SMIM17: variants seen among roughly 807,000 people sequenced by gnomAD.
SMIM17 encodes small integral membrane protein 17.
SMIM17 carries 10 observed loss-of-function variants against 12.2 expected under a neutral mutation model. That is an observed-to-expected ratio of 0.82 (90% CI 0.50 to 1.39). SMIM17 has a LOEUF of 1.39. Among genes scored for constraint, SMIM17 ranks in the 40% most tolerant of loss-of-function variants. The pLI is 0.00. For missense variants in SMIM17, 136 were observed against 118.2 expected, an observed-to-expected ratio of 1.15 and a Z score of -0.70; for synonymous variants, 50 against 44.1, an observed-to-expected ratio of 1.13 and a Z score of -0.53.
rs1002320351 is a variant in SMIM17, at chr19:56,656,316, A to T, written c.*1103A>T. ...TCATATTATTAGCTTAATTATGCAT[A>T]ATGTTTTATAATTAAAAATTTCTCT... is the stretch of plus-strand genomic sequence containing the variant. On this transcript the variant is annotated 3_prime_UTR_variant, in exon 4 of 4. Coordinates refer to ENST00000598409, the MANE Select transcript of SMIM17 (RefSeq NM_001193628.2). Among the ~76,000 whole-genome samples the T allele has an allele frequency of 6.6e-6, 1 of 152,052 alleles. No individual in the cohort carries two copies. The highest frequency in any genetic ancestry group is 1.5e-5 in the Non-Finnish European group (1 of 68,010).
At chr19:56,645,942 T>A (rs915147444) in intron 2 of SMIM17, 106 bp downstream of exon 2, 37 of 1,222,410 alleles carry the variant, frequency 3.0e-5, no homozygotes, top group Non-Finnish European at 3.7e-5. Flanking sequence ...ATTCAACAGC[T>A]ATTCATGGAG....
chr19:56,645,453 C>T (rs891069729), intron 1 of SMIM17, 115 bp from the exon 2 acceptor site: 3 of 423,856 alleles, frequency 7.1e-6, no homozygotes, highest in African/African-American at 6.1e-5. Flanking sequence ...AGAATGTAAG[C>T]CCCAGGAGGG....
chr19:56,655,871 G>T lies in SMIM17; in HGVS notation c.*658G>T, dbSNP rs766223219. The T allele has an allele frequency of 1.3e-5, 2 of 151,950 alleles. No homozygotes were observed. Among genetic ancestry groups the T allele is most frequent in the African/African-American group, 4.8e-5 (2 of 41,372 alleles). 9.4% of individuals were successfully genotyped at this position (151,950 alleles called of 1,614,324 possible). ...GAACGTTTCAGCTAATTCTTGGGCA[G>T]CTTTCTTAGTTCTTTACAATGTTAT... On this transcript the variant is annotated 3_prime_UTR_variant, in exon 4 of 4. Coordinates refer to ENST00000598409, the MANE Select transcript of SMIM17 (RefSeq NM_001193628.2).
At position 56,650,035 on chromosome 19, in the gene SMIM17, G is replaced by C. The variant is rs564032834; in HGVS notation, c.246+2401G>C. On this transcript the variant is annotated intron_variant, in intron 3 of 3. Transcript: ENST00000598409. ...GCCCATGTGGAAGGAAGGTGGGTTGGATGTGGCTGGGGTTAGAGTTTAGAG... is the reference window on the plus strand; with the variant it reads ...GCCCATGTGGAAGGAAGGTGGGTTGCATGTGGCTGGGGTTAGAGTTTAGAG... Among the ~76,000 whole-genome samples, 3 of 152,280 alleles carry C rather than the reference G, an allele frequency of 2.0e-5. No homozygotes were observed. In the South Asian group the frequency reaches 6.2e-4, roughly 32 times the overall value.
chr19:56,645,931 C>T, intron 2 of SMIM17, 95 bp downstream of exon 2: 2 of 1,281,828 alleles, frequency 1.6e-6, no homozygotes, highest in Non-Finnish European at 1.0e-6. Context: ...TTCACTCATC[C>T]ATTCAACAGC....
chr19:56,654,788 C>T (rs111863558), intron 3 of SMIM17, among the ~76,000 whole-genome samples: 31 of 152,206 alleles, frequency 2.0e-4, no homozygotes, highest in African/African-American at 6.7e-4. Flanking sequence ...AATACACATA[C>T]ATATGCAAGC....
chr19:56,652,321 C>T lies in SMIM17; in HGVS notation c.247-2782C>T, dbSNP rs368700772. 5.9e-5 allele frequency among the ~76,000 whole-genome samples: 9 copies of T among 151,870 alleles called. No homozygotes were observed. In the East Asian group the frequency reaches 1.2e-3, roughly 20 times the overall value. On this transcript the variant is annotated intron_variant, in intron 3 of 3. Coordinates refer to ENST00000598409, the MANE Select transcript of SMIM17 (RefSeq NM_001193628.2). ...ACTGGTAGAACTGAAATCCAGTCTC[C>T]GTCTTATCGCAAGGGAACCCTGGAA...
chr19:56,652,294 A>G (rs922762594), intron 3 of SMIM17, among the ~76,000 whole-genome samples: 3 of 151,966 alleles, frequency 2.0e-5, no homozygotes, highest in Admixed American at 6.6e-5. Context: ...CCAGGCAAAT[A>G]TACTGGTAGA....
At chr19:56,647,451 G>GAGAGAGACAGAGA (rs2045073322) in intron 2 of SMIM17, 107 bp from the exon 3 acceptor site, 1 of 666,952 alleles carries the variant, frequency 1.5e-6, no homozygotes, top group African/African-American at 1.9e-5. Context: ...GAGAGAGAGA[G>GAGAGAGACAGAGA]GAGGCTATTA....
At chr19:56,644,128 G>T (rs1380692532) in intron 1 of SMIM17, among the ~76,000 whole-genome samples, 2 of 151,478 alleles carry the variant, frequency 1.3e-5, no homozygotes, top group East Asian at 3.9e-4. Flanking sequence ...CTGTCACCCC[G>T]CTTGCCTGCA....
At position 56,656,160 on chromosome 19, in the gene SMIM17, G is replaced by T. The variant is rs1329857115; in HGVS notation, c.*947G>T. Among the ~76,000 whole-genome samples the T allele has an allele frequency of 1.3e-5, 2 of 151,774 alleles. No individual in the cohort carries two copies. Among genetic ancestry groups the T allele is most frequent in the African/African-American group, 2.4e-5 (1 of 41,330 alleles). ...GGGGTTTCACCGTGTTAGCCAGGAT[G>T]GTCTCGATCTCCTGACCTCGTGATC... On this transcript the variant is annotated 3_prime_UTR_variant, in exon 4 of 4. Coordinates refer to ENST00000598409, the MANE Select transcript of SMIM17 (RefSeq NM_001193628.2).
chr19:56,654,966 T>C (rs189185415), intron 3 of SMIM17, 137 bp from the exon 4 acceptor site: 1 of 508,258 alleles, frequency 2.0e-6, no homozygotes, highest in Non-Finnish European at 3.5e-6. Flanking sequence ...ATCTACTCAG[T>C]TGTACCGTTT....
At position 56,645,213 on chromosome 19, in the gene SMIM17, GTGTT is replaced by G. The variant is rs945093391; in HGVS notation, c.-100-351_-100-348del. Among the ~76,000 whole-genome samples, 6 of 151,860 alleles carry G rather than the reference GTGTT, an allele frequency of 4.0e-5. No individual in the cohort carries two copies. The East Asian group carries it at 5.8e-4, about 15-fold the overall frequency. ...AGTGTGTGTGAATGTGGATGTGTGT[GTGTT>G]TGTGTTTGTGTTAGTGTGTGTGTAT... On this transcript the variant is annotated intron_variant, in intron 1 of 3. Coordinates refer to ENST00000598409, the MANE Select transcript of SMIM17 (RefSeq NM_001193628.2).
intron 3 of SMIM17, among the ~76,000 whole-genome samples, chr19:56,652,361 TGTC>T (rs1600621113): frequency 6.6e-6 from 1 of 151,892 alleles, no homozygotes; most frequent in East Asian, 2.0e-4. Flanking sequence ...AATAGAGAGT[TGTC>T]CTCCTCTGGG....
chr19:56,646,452 A>T (rs2045063802), intron 2 of SMIM17, among the ~76,000 whole-genome samples: 1 of 152,166 alleles, frequency 6.6e-6, no homozygotes, highest in Admixed American at 6.5e-5. Context: ...GATTATCCTA[A>T]CTGTGGAGAT....
rs568823951 is a variant in SMIM17, at chr19:56,656,223, T to C, written c.*1010T>C. ...CCTCCCAAAGTGCTGGGATTACAGATGTGAGCCACCGTGCCCAGCCCAGAG... is the reference window on the plus strand; with the variant it reads ...CCTCCCAAAGTGCTGGGATTACAGACGTGAGCCACCGTGCCCAGCCCAGAG... On this transcript the variant is annotated 3_prime_UTR_variant, in exon 4 of 4. Transcript: ENST00000598409. Among the ~76,000 whole-genome samples the C allele has an allele frequency of 2.6e-5, 4 of 152,134 alleles. No individual in the cohort carries two copies. The highest frequency in any genetic ancestry group is 2.1e-4 in the South Asian group (1 of 4,830).
intron 2 of SMIM17, 84 bp downstream of exon 2, chr19:56,645,920 C>A: frequency 7.4e-7 from 1 of 1,343,738 alleles, no homozygotes; most frequent in Admixed American, 2.8e-5. Flanking sequence ...ACATTCACTC[C>A]TTCACTCATC....
At chr19:56,648,680 C>G (rs1201872779) in intron 3 of SMIM17, among the ~76,000 whole-genome samples, 1 of 152,184 alleles carries the variant, frequency 6.6e-6, no homozygotes, top group Non-Finnish European at 1.5e-5. Flanking sequence ...ATCCATTCAC[C>G]CATCCACCCA....
Position 56,655,967 on chromosome 19 carries a change from T to C in SMIM17, c.*754T>C, listed in dbSNP as rs961808247. ...ACAGAGGTTTTTGTTTTTTTTTTTT[T>C]TTGAGACCGAGTCTCACTCTGTCAC... On this transcript the variant is annotated 3_prime_UTR_variant, in exon 4 of 4. Coordinates refer to ENST00000598409, the MANE Select transcript of SMIM17 (RefSeq NM_001193628.2). Among the ~76,000 whole-genome samples the C allele has an allele frequency of 2.6e-5, 4 of 151,276 alleles. No homozygotes were observed. The highest frequency in any genetic ancestry group is 9.7e-5 in the African/African-American group (4 of 41,220).
Sources: gnomAD v4.1 joint callset for allele counts (sites outside exome capture counted in the v4.1 genomes callset) on GRCh38, gnomAD v4.1.1 for gene constraint, MANE v1.5 for transcripts, NCBI Gene and HGNC (gene_info 2026-07-23, HGNC 2026-07-21) for gene names.